The following FMN1 variants were observed in gnomAD, a reference collection of about 807,000 sequenced individuals.
The protein encoded by FMN1 is formin 1.
Under a neutral mutation model 132.4 loss-of-function variants are expected in FMN1, and 110 were observed. The observed-to-expected ratio is 0.83, with a 90% CI of 0.71 to 0.97. FMN1 has a LOEUF of 0.97. Among genes scored for constraint, FMN1 ranks in the 50% least tolerant of loss-of-function variants. The pLI is 0.00. For missense variants in FMN1, 1,792 were observed against 1,705.3 expected, an observed-to-expected ratio of 1.05 and a Z score of -0.90; for synonymous variants, 722 against 651.7, an observed-to-expected ratio of 1.11 and a Z score of -1.64.
intron 3 of FMN1, among the ~76,000 whole-genome samples, chr15:33,159,193 G>A (rs1055159898): frequency 2.6e-5 from 4 of 152,080 alleles, no homozygotes; most frequent in African/African-American, 9.7e-5. Context: ...AAATAAATAA[G>A]TAAAAATTAA....
intron 7 of FMN1, among the ~76,000 whole-genome samples, chr15:32,978,253 C>G (rs1192760247): frequency 6.6e-6 from 1 of 152,120 alleles, no homozygotes; most frequent in Non-Finnish European, 1.5e-5. Flanking sequence ...AAGGAAGTAG[C>G]AGGAAAGTAA....
At chr15:32,867,809 C>A (rs531225989) in intron 16 of FMN1, among the ~76,000 whole-genome samples, 164 of 152,288 alleles carry the variant, frequency 1.1e-3, no homozygotes, top group African/African-American at 3.8e-3. Context: ...TTCTTTTCCA[C>A]CTTCCATTCT....
chr15:33,154,251 G>A lies in FMN1; in HGVS notation c.664C>T (p.Pro222Ser), dbSNP rs1313844817. ...AGGGAGCAGGCAAGTGCCCCATTCG[G>A]GAGCAGATTTCCTTTCTCCTCTAGT... The part of the protein sequence containing the change: ...WVLEEKGNLL[P>S]NGALACSLQR... The change falls in exon 4 of 21, where the codon CCG becomes TCG. Residue 222 changes from proline (P) to serine (S), a missense_variant. Around this residue, in one of 3 missense-constraint regions of FMN1, gnomAD observed 638 missense variants for 645.2 expected, o/e 0.99. Transcript: ENST00000616417. The A allele has an allele frequency of 3.3e-6, 5 of 1,536,032 alleles. No individual in the cohort carries two copies. In the African/African-American group the frequency reaches 6.8e-5, roughly 21 times the overall value.
chr15:32,775,640 T>C (rs925902653), intron 20 of FMN1, among the ~76,000 whole-genome samples: 1 of 152,200 alleles, frequency 6.6e-6, no homozygotes, highest in Non-Finnish European at 1.5e-5. Context: ...GGCCATGTGC[T>C]CAACCATGGC....
chr15:33,193,808 T>C (rs577912125), intron 2 of FMN1, 101 bp downstream of exon 2: 1 of 152,110 alleles, frequency 6.6e-6, no homozygotes, highest in African/African-American at 2.4e-5. Flanking sequence ...CAGCTACTTG[T>C]TCTTGAGTTA....
intron 6 of FMN1, among the ~76,000 whole-genome samples, chr15:33,016,743 C>T (rs2035070223): frequency 6.6e-6 from 1 of 152,184 alleles, no homozygotes; most frequent in African/African-American, 2.4e-5. Flanking sequence ...TGACTCCTGA[C>T]AGTTTTTAAG....
At chr15:32,824,927 A>G (rs8023480) in intron 17 of FMN1, among the ~76,000 whole-genome samples, 56,892 of 152,080 alleles carry the variant, frequency 0.37, 11,733 homozygotes, top group East Asian at 0.84. Context: ...TATTCCCTGA[A>G]TTGTCTACCA....
chr15:32,842,439 T>C (rs191197468), intron 17 of FMN1, among the ~76,000 whole-genome samples: 1 of 152,236 alleles, frequency 6.6e-6, no homozygotes, highest in African/African-American at 2.4e-5. Flanking sequence ...CTGTGAGAGA[T>C]AGGCATACAT....
At chr15:33,001,324 C>T (rs1224461810) in intron 7 of FMN1, among the ~76,000 whole-genome samples, 1 of 152,052 alleles carries the variant, frequency 6.6e-6, no homozygotes, top group Non-Finnish European at 1.5e-5. Context: ...ATTTACCTTC[C>T]CCTTATAGTT....
At chr15:33,069,166 C>T (rs1320789813) in intron 5 of FMN1, among the ~76,000 whole-genome samples, 1 of 152,230 alleles carries the variant, frequency 6.6e-6, no homozygotes, top group Non-Finnish European at 1.5e-5. Flanking sequence ...GACAAAACAA[C>T]CTCCAAACAT....
rs1159273032 is a variant in FMN1 at position 32,769,260 on chromosome 15, TA to T, written c.*5049del. 2 of 152,268 alleles carry T rather than the reference TA, an allele frequency of 1.3e-5. No individual in the cohort carries two copies. Among genetic ancestry groups the T allele is most frequent in the Non-Finnish European group, 2.9e-5 (2 of 68,048 alleles). The allele number at this position is 152,268 out of a possible 1,614,324, so 9.4% of individuals were successfully genotyped here. A position where few individuals can be genotyped will look rare whatever the true frequency, so the allele number is the denominator to read the frequency against. On this transcript the variant is annotated 3_prime_UTR_variant, in exon 21 of 21. Transcript: ENST00000616417. ...TTAAGAGTCTTGGAACAAATAAGGATACTGAATTGGCTTCAAATTTGACATG... is the reference window on the plus strand; with the variant it reads ...TTAAGAGTCTTGGAACAAATAAGGATCTGAATTGGCTTCAAATTTGACATG...
intron 5 of FMN1, among the ~76,000 whole-genome samples, chr15:33,077,067 C>T (rs751782338): frequency 2.0e-5 from 3 of 152,180 alleles, no homozygotes; most frequent in Non-Finnish European, 4.4e-5. Context: ...CTTGCTCTGT[C>T]GCCTAGGCTG....
At chr15:33,124,381 T>C (rs1962853035) in intron 4 of FMN1, among the ~76,000 whole-genome samples, 1 of 152,206 alleles carries the variant, frequency 6.6e-6, no homozygotes, top group South Asian at 2.1e-4. Flanking sequence ...AGTAGGACCC[T>C]CTGTACATTT....
intron 17 of FMN1, among the ~76,000 whole-genome samples, chr15:32,819,583 A>G (rs1215161515): frequency 6.6e-6 from 1 of 152,218 alleles, no homozygotes; most frequent in Non-Finnish European, 1.5e-5. Context: ...GATTTATTGC[A>G]TATTTTATAT....
chr15:33,025,204 A>C (rs1450795793), intron 6 of FMN1, among the ~76,000 whole-genome samples: 1 of 152,172 alleles, frequency 6.6e-6, no homozygotes. Context: ...AATACACTTA[A>C]AATCTATGAA....
At chr15:33,039,634 A>G (rs1261328022) in intron 6 of FMN1, among the ~76,000 whole-genome samples, 1 of 152,202 alleles carries the variant, frequency 6.6e-6, no homozygotes, top group African/African-American at 2.4e-5. Flanking sequence ...CAAATAAATT[A>G]GTGTAAATTC....
intron 17 of FMN1, among the ~76,000 whole-genome samples, chr15:32,852,767 A>C (rs368795029): frequency 6.6e-6 from 1 of 152,220 alleles, no homozygotes; most frequent in Non-Finnish European, 1.5e-5. Context: ...GCACAAACCA[A>C]AACAATGCAA....
At chr15:32,961,548 T>C (rs578226090) in intron 9 of FMN1, among the ~76,000 whole-genome samples, 4 of 152,116 alleles carry the variant, frequency 2.6e-5, no homozygotes, top group Non-Finnish European at 5.9e-5. Context: ...ACACCATTTC[T>C]GCTACTATTA....
At chr15:32,842,495 A>G (rs551050740) in intron 17 of FMN1, among the ~76,000 whole-genome samples, 1 of 152,348 alleles carries the variant, frequency 6.6e-6, no homozygotes, top group East Asian at 1.9e-4. Context: ...TGCACTGTGG[A>G]TTCCTATTAC....
Sources: gnomAD v4.1 joint callset for allele counts (sites outside exome capture counted in the v4.1 genomes callset) on GRCh38, gnomAD v4.1.1 for gene constraint, gnomAD v4.1.1 regional missense constraint, MANE v1.5 for transcripts, NCBI Gene and HGNC (gene_info 2026-07-23, HGNC 2026-07-21) for gene names.